Variants in BIN2 observed in about 807,000 individuals in gnomAD.
BIN2 encodes the protein breast cancer associated protein BRAP1.
A neutral mutation model predicts 67.9 loss-of-function variants in BIN2; 43 were observed. The ratio of observed to expected loss-of-function variants is 0.63; its 90% CI spans 0.50 to 0.82. BIN2 has a LOEUF of 0.82. Ranked by LOEUF, BIN2 falls within the 40% of genes least tolerant of loss-of-function variation. BIN2 has a pLI of 0.00. For missense variants in BIN2, 581 were observed against 671.6 expected (o/e 0.87, Z 1.49); for synonymous variants, 244 against 246.8 (o/e 0.99, Z 0.11).
At chr12:51,290,650 C>A (rs569715920) in intron 10 of BIN2, among the ~76,000 whole-genome samples, 1 of 151,918 alleles carries the variant, frequency 6.6e-6, no homozygotes, top group South Asian at 2.1e-4. Context: ...CTTGGAGAAA[C>A]CAGCTGGGCG....
At chr12:51,292,911 G>A (rs150360091) in intron 9 of BIN2, among the ~76,000 whole-genome samples, 2 of 152,190 alleles carry the variant, frequency 1.3e-5, no homozygotes, top group African/African-American at 4.8e-5. Flanking sequence ...AAGCTGTAGT[G>A]CTAAGTGCAA....
In BIN2 at chr12:51,319,410, T is replaced by C. The variant is rs373986281; in HGVS notation, c.81+4612A>G. Among the ~76,000 whole-genome samples the C allele has an allele frequency of 5.3e-5, 8 of 152,360 alleles. No individual in the cohort carries two copies. The East Asian group carries it at 7.7e-4, about 15-fold the overall frequency. On this transcript the variant is annotated intron_variant, in intron 1 of 12. Transcript: ENST00000615107. ...CAACAGGTACATGTTAGGGCACTTA[T>C]ACTGTGTCATGGGTGTTCTTCCCAA...
intron 8 of BIN2, among the ~76,000 whole-genome samples, chr12:51,296,087 C>T (rs1211303366): frequency 3.3e-5 from 5 of 152,112 alleles, no homozygotes; most frequent in Non-Finnish European, 7.3e-5. Context: ...TAAGTTCTGC[C>T]TCTTCCATCA....
At chr12:51,292,681 G>A (rs1043727321) in intron 9 of BIN2, among the ~76,000 whole-genome samples, 5 of 152,160 alleles carry the variant, frequency 3.3e-5, no homozygotes, top group African/African-American at 9.6e-5. Flanking sequence ...TATTTATTTG[G>A]AACCCCCAAA....
Position 51,281,285 on chromosome 12 carries a change from G to A in BIN2, c.*214C>T. On this transcript the variant is annotated 3_prime_UTR_variant, in exon 13 of 13. Transcript: ENST00000615107. ...AAAACCAGAATTAAATATTCCCTGA[G>A]TCTAATGTTCTCTTCTCCCCAGCCT... The A allele has an allele frequency of 1.7e-6, 1 of 592,154 alleles. No homozygotes were observed. The highest frequency in any genetic ancestry group is 3.1e-6 in the Non-Finnish European group (1 of 325,220). The allele number at this position is 592,154 out of a possible 1,614,324, so 36.7% of individuals were successfully genotyped here.
chr12:51,298,950 G>A (rs575846443), intron 7 of BIN2, among the ~76,000 whole-genome samples: 2 of 152,118 alleles, frequency 1.3e-5, no homozygotes, highest in East Asian at 3.9e-4. Context: ...GCACATGCCT[G>A]TAATCCCAGG....
chr12:51,299,772 G>C, intron 5 of BIN2, 58 bp from the exon 6 acceptor site: 2 of 1,392,888 alleles, frequency 1.4e-6, no homozygotes, highest in South Asian at 1.2e-5. Context: ...CCAGGATGTA[G>C]GTAACAGAAT....
chr12:51,294,085 A>C (rs1787834391), intron 9 of BIN2, among the ~76,000 whole-genome samples: 1 of 152,228 alleles, frequency 6.6e-6, no homozygotes, highest in Non-Finnish European at 1.5e-5. Flanking sequence ...AAGACAACTC[A>C]AATGCCCCAA....
intron 5 of BIN2, among the ~76,000 whole-genome samples, chr12:51,300,993 G>A (rs1225754613): frequency 5.3e-5 from 8 of 152,090 alleles, no homozygotes; most frequent in Admixed American, 6.6e-5. Flanking sequence ...GGCCGTGGGC[G>A]GATCACCTGA....
Position 51,281,462 on chromosome 12 carries a change from C to T in BIN2, c.*37G>A, listed in dbSNP as rs138883094. The T allele has an allele frequency of 3.2e-3, 5,170 of 1,605,444 alleles. 12 individuals are homozygous for T. The highest frequency in any genetic ancestry group is 3.9e-3 in the Non-Finnish European group (4,628 of 1,172,258). On this transcript the variant is annotated 3_prime_UTR_variant, in exon 13 of 13. Coordinates refer to ENST00000615107, the MANE Select transcript of BIN2 (RefSeq NM_016293.4). ...CCCTCTGGTTGAAGAGCTTCTCTGG[C>T]GAGGTTTGGGGCAGGAGGAGTCTTG...
chr12:51,306,349 A>G (rs994123227), intron 2 of BIN2, among the ~76,000 whole-genome samples: 1 of 152,234 alleles, frequency 6.6e-6, no homozygotes, highest in African/African-American at 2.4e-5. Flanking sequence ...GAAGTAGGCC[A>G]GGCGAGGTAG....
intron 9 of BIN2, among the ~76,000 whole-genome samples, chr12:51,295,562 CAA>C (rs779588765): frequency 8.1e-3 from 96 of 11,848 alleles, no homozygotes; most frequent in Non-Finnish European, 0.011. Flanking sequence ...GACTCCGTCT[CAA>C]AAAAAAAAAA....
intron 2 of BIN2, among the ~76,000 whole-genome samples, chr12:51,312,473 C>T (rs1025551819): frequency 6.6e-6 from 1 of 152,206 alleles, no homozygotes; most frequent in African/African-American, 2.4e-5. Flanking sequence ...ATTCCCATTG[C>T]AATGCTCTAT....
intron 1 of BIN2, among the ~76,000 whole-genome samples, chr12:51,315,302 T>C (rs1226843046): frequency 6.6e-6 from 1 of 151,878 alleles, no homozygotes; most frequent in Non-Finnish European, 1.5e-5. Context: ...CCCGATTAGC[T>C]TCGGACTACA....
rs1945668425 is a variant in BIN2, at chr12:51,299,671, C to G, written c.452G>C (p.Ser151Thr). Reference protein sequence around the residue: ...KRGRKLVDYDSARHHLEAVQN... With the variant: ...KRGRKLVDYDTARHHLEAVQN... The stretch of plus-strand genomic sequence containing the variant: ...CACTGCCTCCAGGTGGTGTCGGGCA[C>G]TGTCATAGTCCACGAGTTTCCGACC... The change falls in exon 6 of 13, where the codon AGT (serine) becomes ACT (threonine). Residue 151 changes from serine to threonine, a missense_variant. Ser to Thr is a moderately conservative substitution (Grantham distance 58, BLOSUM62 1). Coordinates refer to ENST00000615107, the MANE Select transcript of BIN2 (RefSeq NM_016293.4). 3.7e-6 allele frequency: 6 copies of G among 1,614,000 alleles called. No homozygotes were observed. In the South Asian group the frequency reaches 6.6e-5, roughly 18 times the overall value.
intron 11 of BIN2, among the ~76,000 whole-genome samples, chr12:51,286,009 G>A (rs1022423215): frequency 2.0e-5 from 3 of 152,000 alleles, no homozygotes; most frequent in Non-Finnish European, 2.9e-5. Context: ...TCCCTTTCCA[G>A]GTCATGAATT....
chr12:51,284,338 A>G (rs1164801399), intron 12 of BIN2, among the ~76,000 whole-genome samples: 1 of 152,204 alleles, frequency 6.6e-6, no homozygotes, highest in Non-Finnish European at 1.5e-5. Context: ...ACAGCCACAC[A>G]TAATGACAAA....
At chr12:51,291,486 T>C in intron 10 of BIN2, 105 bp downstream of exon 10, 14 of 1,140,528 alleles carry the variant, frequency 1.2e-5, no homozygotes, top group Non-Finnish European at 1.7e-5. Flanking sequence ...GAGACTGCAA[T>C]GAGCTGTGAT....
At chr12:51,295,043 C>T (rs1244982309) in intron 9 of BIN2, among the ~76,000 whole-genome samples, 1 of 152,184 alleles carries the variant, frequency 6.6e-6, no homozygotes, top group Non-Finnish European at 1.5e-5. Flanking sequence ...AGTGATCCTC[C>T]TGCTTCAGCC....
Sources: gnomAD v4.1 joint callset for allele counts (sites outside exome capture counted in the v4.1 genomes callset) on GRCh38, gnomAD v4.1.1 for gene constraint, MANE v1.5 for transcripts, NCBI Gene and HGNC (gene_info 2026-07-23, HGNC 2026-07-21) for gene names.